SIPA1L1: variants seen among roughly 807,000 people sequenced by gnomAD.
SIPA1L1 encodes signal-induced proliferation-associated 1-like protein 1.
A neutral mutation model predicts 162.7 loss-of-function variants in SIPA1L1; 26 were observed. The ratio of observed to expected loss-of-function variants is 0.16; its 90% confidence interval spans 0.12 to 0.22. SIPA1L1 has a LOEUF of 0.22. Ranked by LOEUF, SIPA1L1 falls within the 10% of genes least tolerant of loss-of-function variation. SIPA1L1 has a pLI of 1.00. For missense variants in SIPA1L1, 1,874 were observed against 2,241.0 expected, an observed-to-expected ratio of 0.84 and a Z score of 3.31; for synonymous variants, 829 against 837.4, an observed-to-expected ratio of 0.99 and a Z score of 0.17.
At chr14:71,423,596 G>C (rs892845301) in intron 2 of SIPA1L1, among the ~76,000 whole-genome samples, 2 of 152,022 alleles carry the variant, frequency 1.3e-5, no homozygotes, top group Admixed American at 1.3e-4. Flanking sequence ...TGGTCTTGGC[G>C]CTCTTGTCAA....
intron 2 of SIPA1L1, among the ~76,000 whole-genome samples, chr14:71,348,016 C>T (rs377296911): frequency 2.9e-4 from 44 of 152,150 alleles, no homozygotes; most frequent in African/African-American, 7.9e-4. Context: ...AAGAATAGGC[C>T]GAACTGCTAC....
chr14:71,485,056 C>G (rs76242352), intron 2 of SIPA1L1, among the ~76,000 whole-genome samples: 88 of 152,268 alleles, frequency 5.8e-4, no homozygotes, highest in African/African-American at 2.0e-3. Context: ...TGCCCATGAT[C>G]CTTTAGCTAT....
At chr14:71,558,278 C>G (rs534460121) in intron 4 of SIPA1L1, among the ~76,000 whole-genome samples, 5 of 152,178 alleles carry the variant, frequency 3.3e-5, no homozygotes, top group Non-Finnish European at 7.4e-5. Context: ...GCTTGAGTAC[C>G]TAGAATTTAC....
intron 2 of SIPA1L1, among the ~76,000 whole-genome samples, chr14:71,479,941 A>G (rs922494097): frequency 5.9e-5 from 9 of 151,630 alleles, no homozygotes; most frequent in Non-Finnish European, 2.9e-5. Context: ...CCCTTACTAT[A>G]TTGTCCAGGA....
chr14:71,706,563 T>C (rs1566699755), intron 16 of SIPA1L1, among the ~76,000 whole-genome samples: 2 of 152,188 alleles, frequency 1.3e-5, no homozygotes, highest in Admixed American at 1.3e-4. Context: ...CACACATGAC[T>C]AAGGGTCACC....
intron 2 of SIPA1L1, among the ~76,000 whole-genome samples, chr14:71,459,700 C>A (rs1475138290): frequency 6.6e-6 from 1 of 152,164 alleles, no homozygotes; most frequent in Non-Finnish European, 1.5e-5. Context: ...TCACTGACAG[C>A]CGATTAGATT....
chr14:71,361,800 C>A (rs2037840616), intron 2 of SIPA1L1, among the ~76,000 whole-genome samples: 2 of 152,178 alleles, frequency 1.3e-5, no homozygotes, highest in South Asian at 2.1e-4. Flanking sequence ...TATTGTCTTG[C>A]ACTAGCAGGT....
intron 2 of SIPA1L1, among the ~76,000 whole-genome samples, chr14:71,387,356 G>T (rs2040419788): frequency 1.3e-5 from 2 of 150,972 alleles, no homozygotes; most frequent in Non-Finnish European, 2.9e-5. Flanking sequence ...CCCGCCTGTA[G>T]TCCCATCTCC....
intron 2 of SIPA1L1, among the ~76,000 whole-genome samples, chr14:71,421,331 G>A (rs2043173810): frequency 6.6e-6 from 1 of 152,098 alleles, no homozygotes; most frequent in African/African-American, 2.4e-5. Context: ...GGTGGCTCAC[G>A]CCTGTAACCC....
intron 2 of SIPA1L1, among the ~76,000 whole-genome samples, chr14:71,332,573 C>T (rs984943280): frequency 4.1e-4 from 63 of 152,120 alleles, no homozygotes; most frequent in African/African-American, 1.5e-3. Context: ...GGCTGTAATG[C>T]CTTTTGGTTA....
chr14:71,370,785 T>C (rs936910861), intron 2 of SIPA1L1, among the ~76,000 whole-genome samples: 1 of 152,192 alleles, frequency 6.6e-6, no homozygotes, highest in African/African-American at 2.4e-5. Flanking sequence ...TGCTCAACAG[T>C]CGCCCAGGAT....
At chr14:71,380,151 A>G (rs2039773252) in intron 2 of SIPA1L1, among the ~76,000 whole-genome samples, 1 of 152,226 alleles carries the variant, frequency 6.6e-6, no homozygotes, top group African/African-American at 2.4e-5. Flanking sequence ...AAGGTAATAG[A>G]AAAGGGTTTA....
chr14:71,401,113 A>G (rs1218148977), intron 2 of SIPA1L1, among the ~76,000 whole-genome samples: 1 of 152,170 alleles, frequency 6.6e-6, no homozygotes, highest in Non-Finnish European at 1.5e-5. Context: ...GCTTATGGGT[A>G]TTCATCTTCT....
intron 3 of SIPA1L1, among the ~76,000 whole-genome samples, chr14:71,519,531 T>C (rs1227486045): frequency 6.6e-6 from 1 of 151,530 alleles, no homozygotes; most frequent in Non-Finnish European, 1.5e-5. Flanking sequence ...TTTCAGAAAA[T>C]GAGGAAATGA....
chr14:71,565,953 A>G (rs545999951), intron 4 of SIPA1L1, among the ~76,000 whole-genome samples: 1 of 152,250 alleles, frequency 6.6e-6, no homozygotes, highest in East Asian at 1.9e-4. Flanking sequence ...ATTTAACATT[A>G]TATCTTAAAT....
In SIPA1L1 at chr14:71,534,558, GA is replaced by G. The variant is rs2053726711; in HGVS notation, c.-303+5189del. Among the ~76,000 whole-genome samples the G allele has an allele frequency of 2.0e-5, 3 of 152,106 alleles. No homozygotes were observed. In the South Asian group the frequency reaches 6.2e-4, roughly 32 times the overall value. On this transcript the variant is annotated intron_variant, in intron 4 of 23. Transcript: ENST00000381232. ...GAATGAATGGTAATCCCTGATGAAAGAGCTTCCCAACCTCATTTTTAAAAAA... is the reference window on the plus strand; with the variant it reads ...GAATGAATGGTAATCCCTGATGAAAGGCTTCCCAACCTCATTTTTAAAAAA...
intron 13 of SIPA1L1, among the ~76,000 whole-genome samples, chr14:71,697,752 C>G (rs1429461408): frequency 6.6e-6 from 1 of 152,192 alleles, no homozygotes; most frequent in African/African-American, 2.4e-5. Context: ...TTCTCAGCTT[C>G]CTATACCTGA....
chr14:71,722,322 G>A (rs545340452), intron 17 of SIPA1L1, among the ~76,000 whole-genome samples: 9 of 152,192 alleles, frequency 5.9e-5, no homozygotes, highest in Non-Finnish European at 1.3e-4. Context: ...GTTCTATTCA[G>A]TTATCTTCCT....
In SIPA1L1 at chr14:71,558,235, G is replaced by A. The variant is rs76262919; in HGVS notation, c.-303+28865G>A. On this transcript the variant is annotated intron_variant, in intron 4 of 23. Coordinates refer to ENST00000381232, the MANE Select transcript of SIPA1L1 (RefSeq NM_001386936.1). ...ATTTGTTGAGTGAATATCAGGGCAC[G>A]GACTTAAAATTATAGGAAAAAGAAA... 8.5e-3 allele frequency among the ~76,000 whole-genome samples: 1,288 copies of A among 152,132 alleles called. 44 individuals are homozygous for A. Among genetic ancestry groups the A allele is most frequent in the Admixed American group, 0.062 (943 of 15,274 alleles).
Sources: allele counts gnomAD v4.1 joint callset (sites outside exome capture counted in the v4.1 genomes callset), GRCh38; gene constraint gnomAD v4.1.1; transcripts MANE v1.5; gene names NCBI Gene and HGNC (gene_info 2026-07-23, HGNC 2026-07-21).